Variants in NKTR observed in about 807,000 individuals in gnomAD.
The protein encoded by NKTR is natural killer cell triggering receptor.
In NKTR, 67 loss-of-function variants were observed where a neutral mutation model predicts 156.3. The observed-to-expected ratio is 0.43, with a 90% CI of 0.35 to 0.53. The LOEUF is 0.53. Among genes scored for constraint, NKTR ranks in the 20% least tolerant of loss-of-function variants. The pLI is 0.01. For synonymous variants in NKTR, 640 were observed against 596.6 expected (o/e 1.07, Z -1.06); for missense variants, 1,604 against 1,730.9 (o/e 0.93, Z 1.30).
intron 6 of NKTR, among the ~76,000 whole-genome samples, chr3:42,626,769 C>G (rs867024062): frequency 6.6e-6 from 1 of 152,102 alleles, no homozygotes; most frequent in Non-Finnish European, 1.5e-5. Flanking sequence ...GATCTTAACT[C>G]ACTTTTTTCT....
Position 42,639,147 on chromosome 3 carries a change from T to G in NKTR, c.3443T>G (p.Leu1148Arg). ...GCAAAAGTAGAGGAGACTTCCCCTC[T>G]AGGAAATGCACGGCTTGATACCCCA... ...SPAKVEETSP[L>R]GNARLDTPDI... Residue 1148 changes from leucine (L) to arginine (R), a missense_variant, in exon 13 of 17, where the codon CTA (leucine) becomes CGA (arginine). Physicochemically the swap from Leu to Arg is moderately radical, Grantham distance 102 (BLOSUM62 -2). Around this residue, in one of 6 missense-constraint regions of NKTR, gnomAD observed 1,255 missense variants for 1,243.7 expected, o/e 1.01. Coordinates refer to ENST00000232978, the MANE Select transcript of NKTR (RefSeq NM_005385.4). 1 of 1,614,100 alleles carries G rather than the reference T, an allele frequency of 6.2e-7. No individual in the cohort carries two copies. Among genetic ancestry groups the G allele is most frequent in the Admixed American group, 1.7e-5 (1 of 60,016 alleles).
intron 6 of NKTR, among the ~76,000 whole-genome samples, chr3:42,621,804 C>T (rs1246544367): frequency 6.6e-6 from 1 of 151,816 alleles, no homozygotes; most frequent in Non-Finnish European, 1.5e-5. Flanking sequence ...CTGTCAAATT[C>T]GAGTGCTGAC....
chr3:42,633,627 G>T lies in NKTR; in HGVS notation c.821G>T (p.Ser274Ile). The change falls in exon 10 of 17, where the codon AGT (serine) becomes ATT (isoleucine). Residue 274 changes from serine (S) to isoleucine (I), a missense_variant. Coordinates refer to ENST00000232978, the MANE Select transcript of NKTR (RefSeq NM_005385.4). ...AATGAAAAAAGGTCAGTTGATTCCA[G>T]TGCTAAAAGGGAAAAACCTGTGGTC... Reference protein sequence around the residue: ...DTNEKRSVDSSAKREKPVVRP... With the variant: ...DTNEKRSVDSIAKREKPVVRP... The T allele has an allele frequency of 6.2e-7, 1 of 1,614,166 alleles. No individual in the cohort carries two copies. The highest frequency in any genetic ancestry group is 1.1e-5 in the South Asian group (1 of 91,088).
At chr3:42,624,886 G>A (rs1044919272) in intron 6 of NKTR, among the ~76,000 whole-genome samples, 1 of 152,184 alleles carries the variant, frequency 6.6e-6, no homozygotes, top group African/African-American at 2.4e-5. Flanking sequence ...AGACAAAGAT[G>A]TTGTATAAAA....
Position 42,632,727 on chromosome 3 carries a change from A to T in NKTR, c.677A>T (p.His226Leu). Residue 226 changes from histidine (H) to leucine (L), a missense_variant, in exon 9 of 17, where the codon CAT (histidine) becomes CTT (leucine). Coordinates refer to ENST00000232978, the MANE Select transcript of NKTR (RefSeq NM_005385.4). ...CATGAGAGAAGCAGAAGGAGGAAAC[A>T]TAAGAGGAGGCCAAAAGTTAAACGT... ...LEHERSRRRK[H>L]KRRPKVKRSK... 1 of 1,613,652 alleles carries T rather than the reference A, an allele frequency of 6.2e-7. No individual in the cohort carries two copies. The highest frequency in any genetic ancestry group is 8.5e-7 in the Non-Finnish European group (1 of 1,179,916).
chr3:42,601,308 C>T (rs1444263679), intron 2 of NKTR: 2 of 359,276 alleles, frequency 5.6e-6, no homozygotes, highest in Admixed American at 4.8e-5. Context: ...ACTGAGTCCT[C>T]GTAGCCAGCC....
At chr3:42,613,980 G>A (rs1004801282) in intron 2 of NKTR, among the ~76,000 whole-genome samples, 1 of 152,110 alleles carries the variant, frequency 6.6e-6, no homozygotes, top group Non-Finnish European at 1.5e-5. Context: ...TAATTCTGTG[G>A]ACGAAAACTA....
intron 2 of NKTR, among the ~76,000 whole-genome samples, chr3:42,613,373 T>A (rs1707029278): frequency 6.6e-6 from 1 of 152,184 alleles, no homozygotes; most frequent in Non-Finnish European, 1.5e-5. Context: ...TGCTCCTGTT[T>A]CTTAATCTTC....
At position 42,606,179 on chromosome 3, in the gene NKTR, A is replaced by G. The variant is rs2267923; in HGVS notation, c.58+5115A>G. Among the ~76,000 whole-genome samples, 157 of 152,304 alleles carry G rather than the reference A, an allele frequency of 1.0e-3. No individual in the cohort carries two copies. In the East Asian group the frequency reaches 0.011, roughly 11 times the overall value. On this transcript the variant is annotated intron_variant, in intron 2 of 16. Coordinates refer to ENST00000232978, the MANE Select transcript of NKTR (RefSeq NM_005385.4). Reference sequence around the variant, plus strand: ...TGTTTAGATTTTATAACGTCCTCTTATAGCTAAAATTTATTATTGATACTC... The same window carrying G: ...TGTTTAGATTTTATAACGTCCTCTTGTAGCTAAAATTTATTATTGATACTC...
chr3:42,620,741 A>G (rs932476947), intron 5 of NKTR: 3 of 984,084 alleles, frequency 3.0e-6, no homozygotes, highest in Non-Finnish European at 3.6e-6. Flanking sequence ...GGAAACAGCT[A>G]TTTAGCTGGT....
Position 42,639,449 on chromosome 3 carries a change from A to T in NKTR, c.3745A>T (p.Lys1249Ter), listed in dbSNP as rs1208699239. ...TGCCACATCCAGTGCTGTGGAAGTT[A>T]AGGTGTTGACCACTGTGCCTGAAAT... ...NAATSSAVEV[K>*]VLTTVPEMKP... The change falls in exon 13 of 17, where the codon AAG (lysine) becomes TAG (stop). Residue 1249 changes from lysine (K) to a stop codon, truncating the protein, a stop_gained. Transcript: ENST00000232978. LOFTEE classifies it high-confidence loss of function. 6.2e-7 allele frequency: 1 copy of T among 1,614,098 alleles called. No individual in the cohort carries two copies. The highest frequency in any genetic ancestry group is 1.3e-5 in the African/African-American group (1 of 74,940).
In NKTR at chr3:42,637,375, T is replaced by C. The variant is rs770387209; in HGVS notation, c.1671T>C (p.Ser557=). ...CAAAGTCCAGATCTAGTTCCAAGTC[T>C]GGGCACCGAAAGAGAGCATCAAAAT... ...SRSKSRSSSK[S]GHRKRASKSP... The change falls in exon 13 of 17, where the codon TCT becomes TCC. Residue 557 remains serine, a synonymous_variant. Coordinates refer to ENST00000232978, the MANE Select transcript of NKTR (RefSeq NM_005385.4). 3.7e-6 allele frequency: 6 copies of C among 1,614,154 alleles called. No individual in the cohort carries two copies. The highest frequency in any genetic ancestry group is 5.1e-6 in the Non-Finnish European group (6 of 1,180,012).
At chr3:42,606,377 T>C (rs1706235741) in intron 2 of NKTR, among the ~76,000 whole-genome samples, 1 of 152,180 alleles carries the variant, frequency 6.6e-6, no homozygotes, top group African/African-American at 2.4e-5. Context: ...TATAGCACAG[T>C]ATCTGATTTT....
intron 13 of NKTR, among the ~76,000 whole-genome samples, chr3:42,641,047 A>G (rs1024675319): frequency 6.6e-6 from 1 of 152,204 alleles, no homozygotes; most frequent in African/African-American, 2.4e-5. Context: ...TGAAGACAGC[A>G]AGGCGTAGAA....
intron 2 of NKTR, among the ~76,000 whole-genome samples, chr3:42,610,673 G>A (rs889899764): frequency 6.6e-6 from 1 of 151,450 alleles, no homozygotes; most frequent in Non-Finnish European, 1.5e-5. Context: ...TCCTAATGTT[G>A]AATAGTGTCT....
At chr3:42,620,913 CTTAA>C in intron 5 of NKTR, 1 of 916,240 alleles carries the variant, frequency 1.1e-6, no homozygotes, top group Admixed American at 6.2e-5. Flanking sequence ...TATACACATA[CTTAA>C]TTTAGATATG....
At chr3:42,602,141 C>T (rs1705558538) in intron 2 of NKTR, 1 of 152,286 alleles carries the variant, frequency 6.6e-6, no homozygotes. Flanking sequence ...AATGACATTT[C>T]TATCTTTAAC....
chr3:42,645,999 C>G lies in NKTR; in HGVS notation c.*24C>G, dbSNP rs1710328667. The G allele has an allele frequency of 1.3e-6, 2 of 1,526,016 alleles. No homozygotes were observed. Among genetic ancestry groups the G allele is most frequent in the East Asian group, 4.5e-5 (2 of 44,404 alleles). 94.5% of individuals were successfully genotyped at this position (1,526,016 alleles called of 1,614,324 possible). A position where few individuals can be genotyped will look rare whatever the true frequency, so the allele number is the denominator to read the frequency against. ...GAAAACGTCCGGATACAAATTATAT[C>G]TTATTTGTAAATATCTGGCAACTTA... On this transcript the variant is annotated 3_prime_UTR_variant, in exon 17 of 17. Coordinates refer to ENST00000232978, the MANE Select transcript of NKTR (RefSeq NM_005385.4).
Position 42,646,121 on chromosome 3 carries a change from G to T in NKTR, c.*146G>T, listed in dbSNP as rs895677016. 6 of 504,176 alleles carry T rather than the reference G, an allele frequency of 1.2e-5. No individual in the cohort carries two copies. The South Asian group carries it at 1.5e-4, about 13-fold the overall frequency. The allele number at this position is 504,176 out of a possible 1,614,324, so 31.2% of individuals were successfully genotyped here. Reference sequence around the variant, plus strand: ...TTAATTGTTACTGGTTCATTTACATGTGGGGAGAAGAATTTAAAATACAGA... The same window carrying T: ...TTAATTGTTACTGGTTCATTTACATTTGGGGAGAAGAATTTAAAATACAGA... On this transcript the variant is annotated 3_prime_UTR_variant, in exon 17 of 17. Coordinates refer to ENST00000232978, the MANE Select transcript of NKTR (RefSeq NM_005385.4).
Sources: gnomAD v4.1 joint callset for allele counts (sites outside exome capture counted in the v4.1 genomes callset) on GRCh38, gnomAD v4.1.1 for gene constraint, gnomAD v4.1.1 regional missense constraint, MANE v1.5 for transcripts, NCBI Gene and HGNC (gene_info 2026-07-23, HGNC 2026-07-21) for gene names.